Variants in VPS13C observed in about 807,000 individuals in gnomAD.
VPS13C encodes the protein vacuolar protein sorting 13 homolog C.
VPS13C carries 358 observed loss-of-function variants against 456.8 expected under a neutral mutation model. The observed-to-expected ratio is 0.78, with a 90% CI of 0.72 to 0.86. VPS13C has a LOEUF of 0.86. VPS13C is among the 40% of genes least tolerant of loss of function. The pLI is 0.00. For missense variants in VPS13C, 4,818 were observed against 4,385.4 expected, an observed-to-expected ratio of 1.10 and a Z score of -2.79; for synonymous variants, 1,578 against 1,486.7, an observed-to-expected ratio of 1.06 and a Z score of -1.41.
chr15:61,884,258 A>G lies in VPS13C; in HGVS notation c.9353T>C (p.Val3118Ala), dbSNP rs1165789513. ...TTTCTGCTTTGGTTTCACCTCCCAA[A>G]CAACACCAGAACTAAATAATTCACA... is the stretch of plus-strand genomic sequence containing the variant. ...SYIGITSSGV[V>A]WEVKPKQKWK... The change falls in exon 68 of 85, where the codon GTT becomes GCT. Residue 3118 changes from valine (V) to alanine (A), a missense_variant. Val to Ala is a moderately conservative substitution (Grantham distance 64, BLOSUM62 0). Transcript: ENST00000644861. 1 of 1,610,824 alleles carries G rather than the reference A, an allele frequency of 6.2e-7. No homozygotes were observed. Among genetic ancestry groups the G allele is most frequent in the South Asian group, 1.1e-5 (1 of 90,620 alleles).
At chr15:61,989,225 T>C (rs1359534398) in intron 18 of VPS13C, among the ~76,000 whole-genome samples, 2 of 139,092 alleles carry the variant, frequency 1.4e-5, no homozygotes, top group Non-Finnish European at 1.6e-5. Flanking sequence ...ACCCTGTCTC[T>C]ACAAAAAAAA....
chr15:61,891,755 A>G (rs1217417841), intron 66 of VPS13C, among the ~76,000 whole-genome samples: 1 of 152,214 alleles, frequency 6.6e-6, no homozygotes, highest in Non-Finnish European at 1.5e-5. Flanking sequence ...TTGGTCAGAA[A>G]TTAAAATCAA....
Position 61,854,561 on chromosome 15 carries a change from G to T in VPS13C, c.11161-3C>A. On this transcript the variant is annotated splice_polypyrimidine_tract_variant and splice_region_variant and intron_variant, in intron 84 of 84. Coordinates refer to ENST00000644861, the MANE Select transcript of VPS13C (RefSeq NM_020821.3). ...TCCTCAATGGCATTACATGCTCTCT[G>T]TAAAGTAAAATACTTATTATGAATT... The T allele has an allele frequency of 1.9e-6, 3 of 1,613,538 alleles. No homozygotes were observed. Among genetic ancestry groups the T allele is most frequent in the Non-Finnish European group, 2.5e-6 (3 of 1,179,554 alleles).
intron 50 of VPS13C, 57 bp from the exon 51 acceptor site, chr15:61,929,805 A>G (rs2043995372): frequency 2.0e-6 from 3 of 1,489,552 alleles, no homozygotes; most frequent in Non-Finnish European, 2.7e-6. Flanking sequence ...AAAAAAGATG[A>G]AGAATTTCCT....
At chr15:61,931,617 G>A (rs1179425834) in intron 49 of VPS13C, among the ~76,000 whole-genome samples, 5 of 143,238 alleles carry the variant, frequency 3.5e-5, no homozygotes, top group African/African-American at 7.8e-5. Context: ...TCGCTCTGTC[G>A]CCCAGGCTGG....
chr15:61,854,854 C>A lies in VPS13C; in HGVS notation c.11160+17G>T. The stretch of plus-strand genomic sequence containing the variant: ...TTCAGCTAAAAAAAATTGAGGCATG[C>A]TCTTTAAATTGTTTACCTCTGCTGT... On this transcript the variant is annotated intron_variant, in intron 84 of 84. Coordinates refer to ENST00000644861, the MANE Select transcript of VPS13C (RefSeq NM_020821.3). 2 of 1,590,824 alleles carry A rather than the reference C, an allele frequency of 1.3e-6. No individual in the cohort carries two copies. The highest frequency in any genetic ancestry group is 1.7e-6 in the Non-Finnish European group (2 of 1,173,540).
chr15:61,927,573 T>C (rs575166226), intron 51 of VPS13C, among the ~76,000 whole-genome samples: 73 of 152,208 alleles, frequency 4.8e-4, no homozygotes, highest in African/African-American at 1.7e-3. Context: ...ATAATCCTGT[T>C]TTACACTTTT....
At chr15:61,951,187 C>T (rs1430577050) in intron 39 of VPS13C, among the ~76,000 whole-genome samples, 163 bp from the exon 40 acceptor site, 1 of 151,572 alleles carries the variant, frequency 6.6e-6, no homozygotes, top group African/African-American at 2.4e-5. Flanking sequence ...ATAAACCTGG[C>T]TTTGAAAAAA....
intron 14 of VPS13C, among the ~76,000 whole-genome samples, chr15:62,007,877 C>T (rs1161360651): frequency 1.3e-5 from 2 of 151,916 alleles, no homozygotes; most frequent in African/African-American, 2.4e-5. Flanking sequence ...GAGGCCAAGG[C>T]GGGCAGATCA....
At chr15:62,000,268 G>A (rs1169587862) in intron 16 of VPS13C, among the ~76,000 whole-genome samples, 1 of 152,116 alleles carries the variant, frequency 6.6e-6, no homozygotes, top group Non-Finnish European at 1.5e-5. Flanking sequence ...AGGAGGCTGA[G>A]GTAGGAGAAT....
intron 3 of VPS13C, 130 bp downstream of exon 3, chr15:62,041,194 G>T: frequency 2.5e-6 from 2 of 804,480 alleles, no homozygotes; most frequent in South Asian, 1.7e-5. Context: ...AGAACTCTAC[G>T]AGCTCTAATT....
chr15:61,887,938 G>A (rs543214582), intron 67 of VPS13C, among the ~76,000 whole-genome samples: 56 of 152,216 alleles, frequency 3.7e-4, no homozygotes, highest in Admixed American at 1.8e-3. Flanking sequence ...AAAAGTATTT[G>A]CAAAACACAC....
At chr15:61,974,585 TG>T (rs2045649863) in intron 24 of VPS13C, among the ~76,000 whole-genome samples, 168 bp from the exon 25 acceptor site, 1 of 152,180 alleles carries the variant, frequency 6.6e-6, no homozygotes, top group Admixed American at 6.5e-5. Flanking sequence ...GGAAGTTCTA[TG>T]TTAGCTAAGT....
At chr15:61,982,152 C>T (rs777499467) in intron 21 of VPS13C, among the ~76,000 whole-genome samples, 5 of 152,160 alleles carry the variant, frequency 3.3e-5, no homozygotes, top group Non-Finnish European at 7.3e-5. Context: ...TATTCACACA[C>T]AGTGTGATTA....
At chr15:61,996,103 C>G (rs1423984460) in intron 16 of VPS13C, among the ~76,000 whole-genome samples, 2 of 152,110 alleles carry the variant, frequency 1.3e-5, no homozygotes, top group Non-Finnish European at 2.9e-5. Flanking sequence ...AAGGGGATAT[C>G]TCTTAATTCT....
intron 10 of VPS13C, 103 bp from the exon 11 acceptor site, chr15:62,013,222 G>T: frequency 4.4e-6 from 3 of 686,160 alleles, no homozygotes; most frequent in Non-Finnish European, 4.5e-6. Flanking sequence ...TTACCCAAAT[G>T]CCATTTTGAA....
In VPS13C at chr15:61,920,291, A is replaced by G. The variant is rs2043609952; in HGVS notation, c.7253T>C (p.Leu2418Ser). ...EGTASTFDYS[L>S]KDRAPFTVKN... is the part of the protein sequence containing the mutation. The stretch of plus-strand genomic sequence containing the variant: ...TACCGTAAAAGGAGCTCTGTCCTTT[A>G]AAGAGTAGTCAAAAGTAGAAGCAGT... Residue 2418 changes from leucine (L) to serine (S), a missense_variant, in exon 57 of 85, where the codon TTA (leucine) becomes TCA (serine). Transcript: ENST00000644861. 1 of 1,611,120 alleles carries G rather than the reference A, an allele frequency of 6.2e-7. No individual in the cohort carries two copies. The highest frequency in any genetic ancestry group is 8.5e-7 in the Non-Finnish European group (1 of 1,177,940).
At chr15:61,946,636 A>G (rs1423165705) in intron 43 of VPS13C, among the ~76,000 whole-genome samples, 1 of 126,106 alleles carries the variant, frequency 7.9e-6, no homozygotes, top group East Asian at 2.4e-4. Context: ...AAAGTTGTAG[A>G]AATTTTAAAA....
At chr15:62,036,542 A>C (rs1333501387) in intron 3 of VPS13C, among the ~76,000 whole-genome samples, 2 of 152,068 alleles carry the variant, frequency 1.3e-5, no homozygotes, top group Non-Finnish European at 2.9e-5. Context: ...GGAAGTCTAC[A>C]ACGCTCTGGG....
Sources: gnomAD v4.1 joint callset for allele counts (sites outside exome capture counted in the v4.1 genomes callset) on GRCh38, gnomAD v4.1.1 for gene constraint, MANE v1.5 for transcripts, NCBI Gene and HGNC (gene_info 2026-07-23, HGNC 2026-07-21) for gene names.